CELF4: variants seen among roughly 807,000 people sequenced by gnomAD.
CELF4 encodes the protein CUG-BP- and ETR-3-like factor 4.
In CELF4, 18 loss-of-function variants were observed where a neutral mutation model predicts 59.9. The ratio of observed to expected loss-of-function variants is 0.30; its 90% CI spans 0.21 to 0.45. The LOEUF (loss-of-function observed/expected upper bound fraction) is 0.45, where lower values mean the gene tolerates loss of function less well. Among genes scored for constraint, CELF4 ranks in the 20% least tolerant of loss-of-function variants. The probability of loss-of-function intolerance (pLI) is 1.00; values close to 1 mark genes in which losing one functional copy is unlikely to be tolerated. For synonymous variants in CELF4, 261 were observed against 267.1 expected, an observed-to-expected ratio of 0.98 and a Z score of 0.22; for missense variants, 456 against 689.0, an observed-to-expected ratio of 0.66 and a Z score of 3.79.
chr18:37,460,917 C>A (rs1407187991), intron 2 of CELF4, among the ~76,000 whole-genome samples: 3 of 152,182 alleles, frequency 2.0e-5, no homozygotes, highest in African/African-American at 7.2e-5. Context: ...AAGGAAAAAA[C>A]CTGCTGGAAA....
chr18:37,490,639 C>G (rs1349969754), intron 1 of CELF4, among the ~76,000 whole-genome samples: 2 of 152,110 alleles, frequency 1.3e-5, no homozygotes, highest in Non-Finnish European at 2.9e-5. Flanking sequence ...ACTCAGCAAG[C>G]TGGAAATGTA....
intron 3 of CELF4, chr18:37,305,945 G>A (rs1479788465): frequency 6.6e-6 from 1 of 152,250 alleles, no homozygotes; most frequent in Non-Finnish European, 1.5e-5. Flanking sequence ...ACACCCTGAG[G>A]CCGAGAATCA....
chr18:37,248,920 A>C (rs1183056967), intron 12 of CELF4, among the ~76,000 whole-genome samples: 2 of 144,120 alleles, frequency 1.4e-5, no homozygotes, highest in East Asian at 4.5e-4. Flanking sequence ...TACATACAGC[A>C]GACTTTCACT....
chr18:37,506,170 T>C (rs1321551404), intron 1 of CELF4, among the ~76,000 whole-genome samples: 2 of 152,168 alleles, frequency 1.3e-5, no homozygotes, highest in African/African-American at 4.8e-5. Flanking sequence ...CTTCGTGTCT[T>C]GAAGCCCGCG....
At chr18:37,545,304 G>A (rs2099980689) in intron 1 of CELF4, among the ~76,000 whole-genome samples, 1 of 152,218 alleles carries the variant, frequency 6.6e-6, no homozygotes, top group Admixed American at 6.5e-5. Context: ...GGACTCCTGG[G>A]CAGGTAGGAC....
At chr18:37,499,819 C>T (rs1345048299) in intron 1 of CELF4, among the ~76,000 whole-genome samples, 2 of 152,200 alleles carry the variant, frequency 1.3e-5, no homozygotes, top group African/African-American at 2.4e-5. Flanking sequence ...GAGTCTGTGT[C>T]CTCAGCATCC....
chr18:37,540,243 T>C (rs564222999), intron 1 of CELF4, among the ~76,000 whole-genome samples: 1 of 152,340 alleles, frequency 6.6e-6, no homozygotes, highest in Non-Finnish European at 1.5e-5. Flanking sequence ...CCTGTGGCCC[T>C]AGGGTCCTCC....
At chr18:37,266,847 A>G (rs2077844008) in intron 8 of CELF4, among the ~76,000 whole-genome samples, 1 of 151,948 alleles carries the variant, frequency 6.6e-6, no homozygotes, top group African/African-American at 2.4e-5. Context: ...CAGTTGGCCT[A>G]GGGCTGGGGT....
At chr18:37,481,644 G>A (rs969038614) in intron 2 of CELF4, among the ~76,000 whole-genome samples, 2 of 152,162 alleles carry the variant, frequency 1.3e-5, no homozygotes, top group Admixed American at 6.6e-5. Context: ...GAGTCACCTG[G>A]CTCCTGGCCT....
intron 11 of CELF4, among the ~76,000 whole-genome samples, chr18:37,255,048 T>C (rs949565083): frequency 6.6e-6 from 1 of 152,196 alleles, no homozygotes; most frequent in Admixed American, 6.5e-5. Context: ...TTTAATCTAG[T>C]ATTTCCTTGA....
intron 10 of CELF4, among the ~76,000 whole-genome samples, chr18:37,264,377 G>A (rs1252886680): frequency 1.3e-5 from 2 of 152,248 alleles, no homozygotes; most frequent in African/African-American, 4.8e-5. Context: ...ATGATTGAGG[G>A]GAGTAGGAAA....
chr18:37,275,353 G>C, intron 3 of CELF4, 110 bp from the exon 4 acceptor site: 1 of 1,336,646 alleles, frequency 7.5e-7, no homozygotes. Context: ...GGGGAGGCGG[G>C]GCGGGGGCTC....
At chr18:37,315,875 C>A (rs1273634818) in intron 3 of CELF4, among the ~76,000 whole-genome samples, 1 of 152,186 alleles carries the variant, frequency 6.6e-6, no homozygotes, top group Non-Finnish European at 1.5e-5. Flanking sequence ...TCCGTTCAGC[C>A]CAGGAGCTTT....
chr18:37,521,937 T>C (rs2099957908), intron 1 of CELF4, among the ~76,000 whole-genome samples: 1 of 152,258 alleles, frequency 6.6e-6, no homozygotes, highest in Non-Finnish European at 1.5e-5. Context: ...GAACTTTTGC[T>C]GTCTGCTCCA....
chr18:37,263,507 C>A (rs1030994136), intron 10 of CELF4, among the ~76,000 whole-genome samples: 1 of 152,076 alleles, frequency 6.6e-6, no homozygotes. Flanking sequence ...GTGACCATTT[C>A]CATAGGGGTA....
chr18:37,564,511 A>G (rs2099987547), intron 1 of CELF4, among the ~76,000 whole-genome samples: 1 of 152,122 alleles, frequency 6.6e-6, no homozygotes, highest in South Asian at 2.1e-4. Flanking sequence ...TGATCGCTTC[A>G]AGGGAGAAAT....
chr18:37,341,408 C>T (rs1374113685), intron 2 of CELF4, among the ~76,000 whole-genome samples: 4 of 152,202 alleles, frequency 2.6e-5, no homozygotes, highest in Non-Finnish European at 4.4e-5. Flanking sequence ...AAATATGCAG[C>T]GTGTTCAGAC....
intron 1 of CELF4, among the ~76,000 whole-genome samples, chr18:37,561,518 A>G (rs994812552): frequency 6.6e-6 from 1 of 151,964 alleles, no homozygotes; most frequent in African/African-American, 2.4e-5. Flanking sequence ...TCTCCCAGTA[A>G]CTCAGTCTTT....
intron 3 of CELF4, among the ~76,000 whole-genome samples, chr18:37,309,372 G>A (rs1444326749): frequency 3.9e-5 from 6 of 152,148 alleles, no homozygotes; most frequent in Non-Finnish European, 8.8e-5. Context: ...AATTGTGCAG[G>A]GCTGCTGTAA....
Sources: gnomAD v4.1 joint callset for allele counts (sites outside exome capture counted in the v4.1 genomes callset) on GRCh38, gnomAD v4.1.1 for gene constraint, MANE v1.5 for transcripts, NCBI Gene and HGNC (gene_info 2026-07-23, HGNC 2026-07-21) for gene names.